Variants in UTP20 observed in about 807,000 individuals in gnomAD.
UTP20 encodes UTP20 small subunit processome component.
A neutral mutation model predicts 329.5 loss-of-function variants in UTP20; 164 were observed. That is an observed-to-expected ratio of 0.50 (90% CI 0.44 to 0.57). The LOEUF is 0.57. Among genes scored for constraint, UTP20 ranks in the 20% least tolerant of loss-of-function variants. The probability of loss-of-function intolerance (pLI) is 0.00; values close to 1 mark genes in which losing one functional copy is unlikely to be tolerated. For missense variants in UTP20, 3,055 were observed against 3,284.2 expected, an observed-to-expected ratio of 0.93 and a Z score of 1.71; for synonymous variants, 1,151 against 1,159.3, an observed-to-expected ratio of 0.99 and a Z score of 0.14.
intron 16 of UTP20, 81 bp from the exon 17 acceptor site, chr12:101,306,618 A>G (rs1044548077): frequency 4.3e-5 from 58 of 1,334,662 alleles, no homozygotes; most frequent in Non-Finnish European, 5.7e-5. Flanking sequence ...ATTGTATAAA[A>G]CTTAAATCTT....
chr12:101,286,637 C>A (rs1011617350), intron 5 of UTP20, 128 bp downstream of exon 5: 3 of 693,056 alleles, frequency 4.3e-6, no homozygotes, highest in Non-Finnish European at 6.4e-6. Context: ...GATTCTCCAG[C>A]CAAAGTGGTC....
chr12:101,365,662 C>T (rs759678615), intron 46 of UTP20, 37 bp downstream of exon 46: 2 of 1,501,934 alleles, frequency 1.3e-6, no homozygotes, highest in East Asian at 2.4e-5. Flanking sequence ...ATTTAGGTCT[C>T]TGCGTCTGAT....
At chr12:101,370,654 T>C in intron 50 of UTP20, 91 bp downstream of exon 50, 2 of 1,327,182 alleles carry the variant, frequency 1.5e-6, no homozygotes, top group East Asian at 2.4e-5. Context: ...TGACTAGTCA[T>C]AGACTTCTGA....
At chr12:101,310,672 A>G (rs941263578) in intron 19 of UTP20, among the ~76,000 whole-genome samples, 1 of 149,878 alleles carries the variant, frequency 6.7e-6, no homozygotes, top group Non-Finnish European at 1.5e-5. Context: ...CACTTTTTTT[A>G]TCAGATTATC....
Position 101,343,072 on chromosome 12 carries a change from T to A in UTP20, c.4428T>A (p.His1476Gln). The change falls in exon 35 of 62, where the codon CAT becomes CAA. Residue 1476 changes from histidine (H) to glutamine (Q), a missense_variant. His to Gln is a conservative substitution (Grantham distance 24). Around this residue, in one of 3 missense-constraint regions of UTP20, gnomAD observed 2,445 missense variants for 2,575.5 expected, o/e 0.95. Transcript: ENST00000261637. Reference protein sequence around the residue: ...VDVNYLIPVMHNCFYNLELGD... With the variant: ...VDVNYLIPVMQNCFYNLELGD... The stretch of plus-strand genomic sequence containing the variant: ...TTAACTACCTAATTCCAGTTATGCA[T>A]AATTGTTTCTATAATCTAGAGGTAG... 1 of 1,607,470 alleles carries A rather than the reference T, an allele frequency of 6.2e-7. No homozygotes were observed. Among genetic ancestry groups the A allele is most frequent in the African/African-American group, 1.3e-5 (1 of 74,824 alleles).
intron 5 of UTP20, 92 bp downstream of exon 5, chr12:101,286,601 G>T: frequency 1.9e-6 from 2 of 1,064,068 alleles, no homozygotes; most frequent in African/African-American, 1.6e-5. Flanking sequence ...CCAGCTCAGT[G>T]CCTAATTGTT....
In UTP20 at chr12:101,340,571, G is replaced by A. The variant is rs80192523; in HGVS notation, c.4062G>A (p.Thr1354=). 26,640 of 1,610,832 alleles carry A rather than the reference G, an allele frequency of 0.017. 449 individuals are homozygous for A. Among genetic ancestry groups the A allele is most frequent in the East Asian group, 0.081 (3,641 of 44,730 alleles). The change falls in exon 32 of 62, where the codon ACG becomes ACA. Residue 1354 remains threonine, a synonymous_variant. Transcript: ENST00000261637. ...AAGAACAAAGTTCTGTACTCATTAC[G>A]CTTCTCCTTCCATTCCTCCACCGTG... The part of the protein sequence containing the change: ...KDKEQSSVLI[T]LLLPFLHRGN...
At chr12:101,375,260 C>CA (rs397953255) in intron 55 of UTP20, among the ~76,000 whole-genome samples, 19,909 of 146,896 alleles carry the variant, frequency 0.14, 2,797 homozygotes, top group East Asian at 0.47. Context: ...GACCCTGACT[C>CA]AAAAAAAAAA....
chr12:101,357,442 A>T (rs1313013741), intron 43 of UTP20, among the ~76,000 whole-genome samples: 7 of 152,174 alleles, frequency 4.6e-5, no homozygotes, highest in Admixed American at 4.6e-4. Context: ...AAGAGTTGGA[A>T]TATAAAATGT....
At chr12:101,356,861 GA>G in intron 42 of UTP20, 64 bp from the exon 43 acceptor site, 1 of 1,530,476 alleles carries the variant, frequency 6.5e-7, no homozygotes, top group East Asian at 2.3e-5. Flanking sequence ...GAGACTAAAG[GA>G]TATGTGTATG....
chr12:101,344,846 TA>T lies in UTP20; in HGVS notation c.4605+97del. 2.8e-6 allele frequency: 3 copies of T among 1,059,188 alleles called. No individual in the cohort carries two copies. In the Admixed American group the frequency reaches 6.7e-5, roughly 24 times the overall value. 65.6% of individuals were successfully genotyped at this position (1,059,188 alleles called of 1,614,324 possible). On this transcript the variant is annotated intron_variant, in intron 36 of 61. Coordinates refer to ENST00000261637, the MANE Select transcript of UTP20 (RefSeq NM_014503.3). Reference sequence around the variant, plus strand: ...TGTTGTATAGAAAAGTAGTCAGGCTTAGTGCATTTAATGAGAATACTTGGTT... The same window carrying T: ...TGTTGTATAGAAAAGTAGTCAGGCTTGTGCATTTAATGAGAATACTTGGTT...
At chr12:101,363,500 C>CT in intron 44 of UTP20, 76 bp from the exon 45 acceptor site, 10 of 1,385,764 alleles carry the variant, frequency 7.2e-6, no homozygotes, top group Non-Finnish European at 9.7e-6. Context: ...ATACCAGGGC[C>CT]TTTTTTCAGT....
In UTP20 at chr12:101,291,540, C is replaced by CAAAAA. The variant is rs34248827; in HGVS notation, c.892-184_892-180dup. 59 of 77,156 alleles carry CAAAAA rather than the reference C, an allele frequency of 7.6e-4. No homozygotes were observed. In the South Asian group the frequency reaches 8.4e-3, roughly 11 times the overall value. 4.8% of individuals were successfully genotyped at this position (77,156 alleles called of 1,614,324 possible). On this transcript the variant is annotated intron_variant, in intron 8 of 61. Coordinates refer to ENST00000261637, the MANE Select transcript of UTP20 (RefSeq NM_014503.3). ...GGGCAATAAGAGTGAAACTCCATCT[C>CAAAAA]AAAAAAAAAAAAAAAAAAAAAAGAC...
At position 101,329,368 on chromosome 12, in the gene UTP20, C is replaced by T. The variant is rs752616150; in HGVS notation, c.3336C>T (p.Ile1112=). ...EIVLKNISHL[I]SAYLPKILQI... Reference sequence around the variant, plus strand: ...TATTGAAAAACATTAGTCATCTGATCAGCGCATACCTGCCGAAGATTTTGC... The same window carrying T: ...TATTGAAAAACATTAGTCATCTGATTAGCGCATACCTGCCGAAGATTTTGC... Residue 1112 remains isoleucine, a synonymous_variant, in exon 27 of 62, where the codon ATC becomes ATT. Coordinates refer to ENST00000261637, the MANE Select transcript of UTP20 (RefSeq NM_014503.3). 1.2e-6 allele frequency: 2 copies of T among 1,613,962 alleles called. No individual in the cohort carries two copies. Among genetic ancestry groups the T allele is most frequent in the African/African-American group, 2.7e-5 (2 of 74,892 alleles).
intron 49 of UTP20, 77 bp from the exon 50 acceptor site, chr12:101,370,353 TTG>T: frequency 2.1e-6 from 3 of 1,459,316 alleles, no homozygotes; most frequent in Non-Finnish European, 2.8e-6. Context: ...TACTTGTGTG[TTG>T]TGTTAAGTCC....
intron 21 of UTP20, among the ~76,000 whole-genome samples, chr12:101,313,652 T>C (rs531169040): frequency 3.6e-4 from 55 of 151,762 alleles, no homozygotes; most frequent in African/African-American, 1.3e-3. Flanking sequence ...AGATAACATT[T>C]ATGAAAGGTT....
chr12:101,306,595 AT>A (rs534803702), intron 16 of UTP20, 103 bp from the exon 17 acceptor site: 6,925 of 987,934 alleles, frequency 7.0e-3, no homozygotes, highest in South Asian at 8.0e-3. Flanking sequence ...GTCAAATGGT[AT>A]TTTTTTTTTA....
At position 101,341,513 on chromosome 12, in the gene UTP20, A is replaced by G. The variant is rs554655355; in HGVS notation, c.4101+903A>G. Among the ~76,000 whole-genome samples, 3 of 152,372 alleles carry G rather than the reference A, an allele frequency of 2.0e-5. No individual in the cohort carries two copies. The South Asian group carries it at 6.2e-4, about 32-fold the overall frequency. On this transcript the variant is annotated intron_variant, in intron 32 of 61. Coordinates refer to ENST00000261637, the MANE Select transcript of UTP20 (RefSeq NM_014503.3). ...CAGATCTGTAGACAACCAGAAATGT[A>G]TACAGTTGGCCCTCTGTATTCACAT...
At chr12:101,318,657 G>C (rs1037184606) in intron 22 of UTP20, among the ~76,000 whole-genome samples, 1 of 151,690 alleles carries the variant, frequency 6.6e-6, no homozygotes, top group Non-Finnish European at 1.5e-5. Context: ...ATGGTAAAAC[G>C]CTGTCTCTAC....
Sources: gnomAD v4.1 joint callset for allele counts (sites outside exome capture counted in the v4.1 genomes callset) on GRCh38, gnomAD v4.1.1 for gene constraint, gnomAD v4.1.1 regional missense constraint, MANE v1.5 for transcripts, NCBI Gene and HGNC (gene_info 2026-07-23, HGNC 2026-07-21) for gene names.